The following CHAT variants were observed in gnomAD, a reference collection of about 807,000 sequenced individuals.
The protein encoded by CHAT is choline O-acetyltransferase.
In CHAT, 61 loss-of-function variants were observed where a neutral mutation model predicts 76.9. The ratio of observed to expected loss-of-function variants is 0.79; its 90% confidence interval spans 0.65 to 0.98. The LOEUF (loss-of-function observed/expected upper bound fraction) is 0.98, where lower values mean the gene tolerates loss of function less well. Ranked by LOEUF, CHAT falls within the 50% of genes least tolerant of loss-of-function variation. The pLI is 0.00. For synonymous variants in CHAT, 407 were observed against 397.4 expected, an observed-to-expected ratio of 1.02 and a Z score of -0.29; for missense variants, 946 against 986.9, an observed-to-expected ratio of 0.96 and a Z score of 0.56.
chr10:49,657,786 C>G (rs1263506716), intron 13 of CHAT, among the ~76,000 whole-genome samples: 1 of 152,152 alleles, frequency 6.6e-6, no homozygotes, highest in Non-Finnish European at 1.5e-5. Flanking sequence ...CAAGAGAGAA[C>G]ACTCACAGAA....
At chr10:49,646,307 G>C (rs1839659453) in intron 7 of CHAT, among the ~76,000 whole-genome samples, 198 bp from the exon 8 acceptor site, 1 of 152,224 alleles carries the variant, frequency 6.6e-6, no homozygotes, top group Non-Finnish European at 1.5e-5. Flanking sequence ...TCCTGGGGTA[G>C]GACAGAGGCT....
chr10:49,647,134 G>C (rs1839699068), intron 8 of CHAT: 1 of 203,068 alleles, frequency 4.9e-6, no homozygotes, highest in African/African-American at 2.3e-5. Context: ...CCGTGGCCTG[G>C]CGATTTCAAC....
intron 7 of CHAT, among the ~76,000 whole-genome samples, chr10:49,641,058 T>A (rs760004686): frequency 2.6e-5 from 4 of 152,216 alleles, no homozygotes; most frequent in Non-Finnish European, 5.9e-5. Context: ...AAGATGAAGG[T>A]GTCACAGGGT....
chr10:49,648,510 G>A lies in CHAT; in HGVS notation c.1285G>A (p.Val429Met). The A allele has an allele frequency of 6.2e-7, 1 of 1,613,564 alleles. No homozygotes were observed. The highest frequency in any genetic ancestry group is 8.5e-7 in the Non-Finnish European group (1 of 1,179,636). The stretch of plus-strand genomic sequence containing the variant: ...CACTCCCTCTTTCCTGTTGCAGTTT[G>A]TGGTGGGCCGAGACGGCACCTGCGG... ...NRWYDKSLQFVVGRDGTCGVV... is the reference protein window; with the variant it reads ...NRWYDKSLQFMVGRDGTCGVV... The change falls in exon 9 of 15, where the codon GTG becomes ATG. Residue 429 changes from valine to methionine, a missense_variant. Val to Met is a conservative substitution (Grantham distance 21). Around this residue, in one of 3 missense-constraint regions of CHAT, gnomAD observed 49 missense variants for 76.7 expected, o/e 0.64. Transcript: ENST00000337653.
At chr10:49,654,219 T>C (rs116430619) in intron 11 of CHAT, among the ~76,000 whole-genome samples, 3,579 of 152,208 alleles carry the variant, frequency 0.024, 156 homozygotes, top group African/African-American at 0.081. Flanking sequence ...GGAAGGTCAT[T>C]CCCTTGCTCA....
intron 5 of CHAT, among the ~76,000 whole-genome samples, chr10:49,624,764 G>A (rs540517143): frequency 1.8e-4 from 28 of 152,040 alleles, no homozygotes; most frequent in African/African-American, 6.8e-4. Flanking sequence ...TGGAAAGATG[G>A]ATGGATGGTG....
intron 1 of CHAT, among the ~76,000 whole-genome samples, chr10:49,614,895 G>A (rs1011356970): frequency 1.3e-5 from 2 of 152,250 alleles, no homozygotes; most frequent in Non-Finnish European, 2.9e-5. Flanking sequence ...GGACATAGCC[G>A]ATGACAGCCT....
intron 7 of CHAT, among the ~76,000 whole-genome samples, chr10:49,629,713 A>G (rs1839048436): frequency 1.3e-5 from 2 of 152,214 alleles, no homozygotes; most frequent in African/African-American, 2.4e-5. Flanking sequence ...GGGAAATGCG[A>G]CAGAAAGGAG....
intron 13 of CHAT, among the ~76,000 whole-genome samples, chr10:49,658,010 C>G (rs1299326958): frequency 3.3e-5 from 5 of 152,190 alleles, no homozygotes; most frequent in Non-Finnish European, 7.3e-5. Context: ...GCCATAGATC[C>G]TCCGACATTG....
At chr10:49,609,405 G>A (rs922444121), upstream of CHAT, among the ~76,000 whole-genome samples, 22 of 151,436 alleles carry the variant, frequency 1.5e-4, no homozygotes, top group South Asian at 2.3e-3. Flanking sequence ...GGCAGGAGCC[G>A]AGGGAGGGCT....
intron 13 of CHAT, among the ~76,000 whole-genome samples, chr10:49,658,076 A>T (rs1487529013): frequency 6.6e-6 from 1 of 152,266 alleles, no homozygotes; most frequent in Non-Finnish European, 1.5e-5. Flanking sequence ...AATTAAAAAA[A>T]TCTTTTTAAA....
chr10:49,610,876 G>A (rs1030454827), upstream of CHAT: 4 of 1,613,208 alleles, frequency 2.5e-6, no homozygotes, highest in African/African-American at 1.3e-5. Flanking sequence ...GCTGTTACTG[G>A]ACAACATGCT....
intron 13 of CHAT, among the ~76,000 whole-genome samples, chr10:49,660,088 A>G (rs1840146217): frequency 1.3e-5 from 2 of 152,180 alleles, no homozygotes; most frequent in African/African-American, 4.8e-5. Context: ...AAGAGTTAAA[A>G]CATAATCTTA....
intron 13 of CHAT, chr10:49,661,509 T>C (rs1041001520): frequency 1.1e-4 from 17 of 152,218 alleles, no homozygotes; most frequent in African/African-American, 3.6e-4. Flanking sequence ...GAGTCATCTT[T>C]ATGCATTCAT....
intron 3 of CHAT, 101 bp downstream of exon 3, chr10:49,620,017 G>C: frequency 8.0e-7 from 1 of 1,243,242 alleles, no homozygotes; most frequent in Middle Eastern, 1.9e-4. Context: ...AGACAGGGCA[G>C]AAGGAGAGAT....
chr10:49,622,693 GA>G (rs533553977), intron 5 of CHAT, among the ~76,000 whole-genome samples: 3 of 152,198 alleles, frequency 2.0e-5, no homozygotes, highest in Non-Finnish European at 4.4e-5. Context: ...GCAGCAGGGA[GA>G]GTAAGCGGGT....
chr10:49,612,245 G>A (rs762753479), upstream of CHAT: 42 of 1,609,974 alleles, frequency 2.6e-5, no homozygotes, highest in Non-Finnish European at 2.3e-5. Flanking sequence ...CTGCGTGAGC[G>A]TCCTGTGTCT....
rs1373315689 is a variant in CHAT, at chr10:49,666,332, G to T, written c.*1286G>T. On this transcript the variant is annotated 3_prime_UTR_variant, in exon 15 of 15. Coordinates refer to ENST00000337653, the MANE Select transcript of CHAT (RefSeq NM_020549.5). ...CAGGCAGGTCAGCAGAGGCAGAGTT[G>T]AGATGTCTCCAGAGACTGTGATCAT... Among the ~76,000 whole-genome samples the T allele has an allele frequency of 6.6e-6, 1 of 152,216 alleles. No homozygotes were observed.
At chr10:49,615,985 T>C in intron 1 of CHAT, 1 of 1,566,330 alleles carries the variant, frequency 6.4e-7, no homozygotes, top group East Asian at 2.2e-5. Flanking sequence ...AGGCCTCCAT[T>C]CACCCACGCA....
Sources: allele counts gnomAD v4.1 joint callset (sites outside exome capture counted in the v4.1 genomes callset), GRCh38; gene constraint gnomAD v4.1.1; regional missense constraint gnomAD v4.1.1; transcripts MANE v1.5; gene names NCBI Gene and HGNC (gene_info 2026-07-23, HGNC 2026-07-21).